Variants in VEGFA observed in about 807,000 individuals in gnomAD.
The protein encoded by VEGFA is vascular endothelial growth factor A.
VEGFA carries 20 observed loss-of-function variants against 49.7 expected under a neutral mutation model. The ratio of observed to expected loss-of-function variants is 0.40; its 90% CI spans 0.28 to 0.58. The LOEUF is 0.58. Among genes scored for constraint, VEGFA ranks in the 20% least tolerant of loss-of-function variants. The pLI is 0.40. For missense variants in VEGFA, 505 were observed against 553.5 expected (o/e 0.91, Z 0.88); for synonymous variants, 219 against 223.4 (o/e 0.98, Z 0.18).
chr6:43,774,091 C>T (rs1365654119), intron 1 of VEGFA: 42 of 579,134 alleles, frequency 7.3e-5, no homozygotes, highest in East Asian at 6.9e-4. Context: ...TCCTGCATTT[C>T]GAGCTCCCCA....
intron 4 of VEGFA, 108 bp downstream of exon 4, chr6:43,778,644 T>C: frequency 8.1e-7 from 1 of 1,236,100 alleles, no homozygotes; most frequent in Non-Finnish European, 1.2e-6. Context: ...CTTCCCGCTA[T>C]GTGACCTTTG....
chr6:43,782,606 A>T (rs1233938622), intron 7 of VEGFA: 10 of 228,492 alleles, frequency 4.4e-5, no homozygotes, highest in Non-Finnish European at 7.9e-5. Context: ...CCCACTTCAG[A>T]CTGGGCCTCC....
chr6:43,770,808 G>C lies in VEGFA; in HGVS notation c.102G>C (p.Pro34=), dbSNP rs1763298860. The change falls in exon 1 of 8, where the codon CCG becomes CCC. Residue 34 remains proline, a synonymous_variant. Transcript: ENST00000672860. The stretch of plus-strand genomic sequence containing the variant: ...CGGCGGCGAGCCGCGGGCAGGGGCC[G>C]GAGCCCGCGCCCGGAGGCGGGGTGG... The C allele has an allele frequency of 1.3e-6, 2 of 1,509,506 alleles. No individual in the cohort carries two copies. The highest frequency in any genetic ancestry group is 1.8e-6 in the Non-Finnish European group (2 of 1,131,314). 93.5% of individuals were successfully genotyped at this position (1,509,506 alleles called of 1,614,324 possible). A position where few individuals can be genotyped will look rare whatever the true frequency, so the allele number is the denominator to read the frequency against.
At chr6:43,783,854 T>C (rs979232223) in intron 7 of VEGFA, 1 of 153,336 alleles carries the variant, frequency 6.5e-6, no homozygotes, top group African/African-American at 2.4e-5. Context: ...TGAAGCAGCA[T>C]ATTTGAAAGG....
chr6:43,771,239 C>T lies in VEGFA; in HGVS notation c.533C>T (p.Ser178Phe). The change falls in exon 1 of 8, where the codon TCC becomes TTC. Residue 178 changes from serine to phenylalanine, a missense_variant. Physicochemically the swap from Ser to Phe is radical, Grantham distance 155. This residue lies in a region of VEGFA where 340 missense variants were observed against 321.8 expected (regional missense o/e 1.06). Transcript: ENST00000672860. Reference sequence around the variant, plus strand: ...AGCCGCGCCGGCCCCGGTCGGGCCTCCGAAACCATGAACTTTCTGCTGTCT... The same window carrying T: ...AGCCGCGCCGGCCCCGGTCGGGCCTTCGAAACCATGAACTTTCTGCTGTCT... 1 of 1,606,744 alleles carries T rather than the reference C, an allele frequency of 6.2e-7. No homozygotes were observed. Among genetic ancestry groups the T allele is most frequent in the Non-Finnish European group, 8.5e-7 (1 of 1,177,446 alleles).
chr6:43,770,642 T>TG lies in VEGFA; in HGVS notation c.-60dup. 1 of 1,490,216 alleles carries TG rather than the reference T, an allele frequency of 6.7e-7. No homozygotes were observed. Among genetic ancestry groups the TG allele is most frequent in the Admixed American group, 2.4e-5 (1 of 42,028 alleles). The allele number at this position is 1,490,216 out of a possible 1,614,324, so 92.3% of individuals were successfully genotyped here. ...AGGGGCAAAGTGAGTGACCTGCTTT[T>TG]GGGGGTGACCGCCGGAGCGCGGCGT... On this transcript the variant is annotated 5_prime_UTR_variant, in exon 1 of 8. Coordinates refer to ENST00000672860, the MANE Select transcript of VEGFA (RefSeq NM_003376.6).
intron 3 of VEGFA, chr6:43,778,206 C>A: frequency 5.2e-6 from 3 of 577,216 alleles, no homozygotes; most frequent in Non-Finnish European, 9.3e-6. Context: ...GATTTGAATT[C>A]CCAGCCTGGC....
At chr6:43,780,412 T>C in intron 5 of VEGFA, 1 of 415,932 alleles carries the variant, frequency 2.4e-6, no homozygotes, top group Non-Finnish European at 4.5e-6. Context: ...TGGGAGCCAC[T>C]GTGAGTGTGG....
At chr6:43,780,155 G>A (rs1004959975) in intron 5 of VEGFA, 3 of 209,572 alleles carry the variant, frequency 1.4e-5, no homozygotes, top group East Asian at 1.2e-4. Flanking sequence ...TCTTGGTTCC[G>A]TGCCAGCTCC....
intron 7 of VEGFA, chr6:43,783,740 C>G (rs1280709561): frequency 6.6e-6 from 1 of 152,418 alleles, no homozygotes; most frequent in East Asian, 1.9e-4. Context: ...CTGCCTCCTT[C>G]TCACAATCAC....
Position 43,784,968 on chromosome 6 carries a change from A to G in VEGFA, c.*406A>G, listed in dbSNP as rs973196202. On this transcript the variant is annotated 3_prime_UTR_variant, in exon 8 of 8. Transcript: ENST00000672860. ...ATATAAAAATAAATATCTCTATTTTATATATATAAAATATATATATTCTTT... is the reference window on the plus strand; with the variant it reads ...ATATAAAAATAAATATCTCTATTTTGTATATATAAAATATATATATTCTTT... 1.7e-5 allele frequency: 3 copies of G among 175,668 alleles called. No individual in the cohort carries two copies. Among genetic ancestry groups the G allele is most frequent in the African/African-American group, 4.8e-5 (2 of 41,638 alleles). 10.9% of individuals were successfully genotyped at this position (175,668 alleles called of 1,614,324 possible).
chr6:43,778,328 C>CTCCCTGCCTCCACCACCCA, intron 3 of VEGFA, 132 bp from the exon 4 acceptor site: 1 of 781,154 alleles, frequency 1.3e-6, no homozygotes, highest in Non-Finnish European at 2.2e-6. Context: ...GCTCTTGGTC[C>CTCCCTGCCTCCACCACCCA]TCCCTGCCTC....
chr6:43,784,064 G>T (rs527417723), intron 7 of VEGFA: 30 of 221,876 alleles, frequency 1.4e-4, no homozygotes, highest in Non-Finnish European at 2.2e-4. Flanking sequence ...AAGCCTCTCT[G>T]CCTCAGGCGT....
At chr6:43,782,918 T>C (rs1768352680) in intron 7 of VEGFA, 1 of 152,432 alleles carries the variant, frequency 6.6e-6, no homozygotes, top group Non-Finnish European at 1.5e-5. Context: ...CATTTTCAAG[T>C]GCCCCCAGGA....
chr6:43,780,341 A>G, intron 5 of VEGFA: 1 of 334,816 alleles, frequency 3.0e-6, no homozygotes, highest in South Asian at 2.6e-5. Flanking sequence ...CTTCAGGGTC[A>G]GACTTGGACA....
At chr6:43,780,866 G>A (rs201694861) in intron 6 of VEGFA, 63 bp downstream of exon 6, 63 of 1,587,200 alleles carry the variant, frequency 4.0e-5, no homozygotes, top group South Asian at 2.8e-4. Flanking sequence ...TACAACCTCC[G>A]CCTGCCATTC....
chr6:43,779,869 T>G, intron 5 of VEGFA: 2 of 374,986 alleles, frequency 5.3e-6, no homozygotes, highest in Non-Finnish European at 1.1e-5. Flanking sequence ...CTGGTTCTCT[T>G]GAAGGGGACA....
Position 43,773,013 on chromosome 6 carries a change from C to T in VEGFA, c.607-1328C>T, listed in dbSNP as rs1013394418. 3.3e-5 allele frequency among the ~76,000 whole-genome samples: 5 copies of T among 151,838 alleles called. No homozygotes were observed. Among genetic ancestry groups the T allele is most frequent in the South Asian group, 2.1e-4 (1 of 4,792 alleles). On this transcript the variant is annotated intron_variant, in intron 1 of 7. Transcript: ENST00000672860. This position sits in a 1 kb window ranked among gnomAD's most constrained non-coding sequence, Gnocchi z 5.6. ...GGGGCCCAGGAGGAGTGGAGGGTCC[C>T]GGGAGAATATTGTCAGGGGGAAGGC... is the stretch of plus-strand genomic sequence containing the variant.
At chr6:43,774,263 G>T in intron 1 of VEGFA, 78 bp from the exon 2 acceptor site, 1 of 1,469,132 alleles carries the variant, frequency 6.8e-7, no homozygotes, top group Non-Finnish European at 9.5e-7. Flanking sequence ...AAGTGAGGAG[G>T]GAGGAGGGGC....
Sources: allele counts gnomAD v4.1 joint callset (sites outside exome capture counted in the v4.1 genomes callset), GRCh38; gene constraint gnomAD v4.1.1; regional missense constraint gnomAD v4.1.1; non-coding constraint Gnocchi (gnomAD v3.1); transcripts MANE v1.5; gene names NCBI Gene and HGNC (gene_info 2026-07-23, HGNC 2026-07-21).